Variants in SELP observed in about 807,000 individuals in gnomAD.
The protein encoded by SELP is P-selectin.
In SELP, 92 loss-of-function variants were observed where a neutral mutation model predicts 104.1. The ratio of observed to expected loss-of-function variants is 0.88; its 90% confidence interval spans 0.75 to 1.05. SELP has a LOEUF of 1.05. Among genes scored for constraint, SELP ranks in the 50% least tolerant of loss-of-function variants. The probability of loss-of-function intolerance (pLI) is 0.00; values close to 1 mark genes in which losing one functional copy is unlikely to be tolerated. For synonymous variants in SELP, 397 were observed against 364.5 expected (o/e 1.09, Z -1.01); for missense variants, 1,022 against 1,017.3 (o/e 1.00, Z -0.06).
chr1:169,610,683 G>A (rs1008680416), intron 7 of SELP, among the ~76,000 whole-genome samples: 8 of 152,086 alleles, frequency 5.3e-5, no homozygotes, highest in Non-Finnish European at 1.0e-4. Context: ...GGAGGCTGAG[G>A]CAGGAGAATC....
chr1:169,602,951 A>G, intron 10 of SELP, 75 bp downstream of exon 10: 3 of 1,323,458 alleles, frequency 2.3e-6, no homozygotes, highest in Non-Finnish European at 3.1e-6. Flanking sequence ...GAACACTTTT[A>G]TATAAATCCC....
At chr1:169,590,637 G>A (rs1263827712) in intron 15 of SELP, among the ~76,000 whole-genome samples, 3 of 152,062 alleles carry the variant, frequency 2.0e-5, no homozygotes, top group Non-Finnish European at 2.9e-5. Flanking sequence ...GGATGTCTAC[G>A]ACAATAGAGT....
In SELP at chr1:169,616,960, T is replaced by TA; in HGVS notation, c.481+67_481+68insT. On this transcript the variant is annotated intron_variant, in intron 3 of 16. Coordinates refer to ENST00000263686, the MANE Select transcript of SELP (RefSeq NM_003005.4). The stretch of plus-strand genomic sequence containing the variant: ...TCTTTGTGTTGACTCGGTGGTTATG[T>TA]TGGCCAACCAGAGAAGGCAGGGTTT... 1.2e-5 allele frequency: 17 copies of TA among 1,369,690 alleles called. No homozygotes were observed. The South Asian group carries it at 1.3e-4, about 10-fold the overall frequency. The allele number at this position is 1,369,690 out of a possible 1,614,324, so 84.8% of individuals were successfully genotyped here.
chr1:169,622,871 C>G (rs1044323097), intron 1 of SELP, among the ~76,000 whole-genome samples: 1 of 152,054 alleles, frequency 6.6e-6, no homozygotes, highest in African/African-American at 2.4e-5. Flanking sequence ...TTCTTAAGAG[C>G]CTGCTTGTGG....
intron 3 of SELP, among the ~76,000 whole-genome samples, chr1:169,614,773 T>C (rs914419014): frequency 3.3e-5 from 5 of 152,168 alleles, no homozygotes; most frequent in Non-Finnish European, 7.4e-5. Flanking sequence ...AGCCAGTGAA[T>C]TTGGTGAAGC....
intron 1 of SELP, among the ~76,000 whole-genome samples, chr1:169,619,590 C>T (rs1427992326): frequency 6.6e-6 from 1 of 152,074 alleles, no homozygotes; most frequent in African/African-American, 2.4e-5. Flanking sequence ...GTATGTCATA[C>T]CCAAGAATAA....
chr1:169,612,349 G>T lies in SELP; in HGVS notation c.829C>A (p.His277Asn), dbSNP rs892161383. 14 of 1,614,008 alleles carry T rather than the reference G, an allele frequency of 8.7e-6. No individual in the cohort carries two copies. The highest frequency in any genetic ancestry group is 1.1e-5 in the Non-Finnish European group (13 of 1,180,010). Residue 277 changes from histidine to asparagine, a missense_variant, in exon 6 of 17, where the codon CAT becomes AAT. Transcript: ENST00000263686. ...TGATGCTGGAATGCTTTTGCAGAAT[G>T]AAGGCAGGTCATGTTTCCTCGTTCA... is the stretch of plus-strand genomic sequence containing the variant. Reference protein sequence around the residue: ...IPERGNMTCLHSAKAFQHQSS... With the variant: ...IPERGNMTCLNSAKAFQHQSS...
intron 10 of SELP, among the ~76,000 whole-genome samples, chr1:169,601,058 A>C (rs1661885976): frequency 6.6e-6 from 1 of 152,252 alleles, no homozygotes; most frequent in African/African-American, 2.4e-5. Context: ...GGTTGCCTAC[A>C]TGATTTAAAA....
In SELP at chr1:169,591,375, A is replaced by T. The variant is rs75943068; in HGVS notation, c.2438+51T>A. The T allele has an allele frequency of 1.8e-3, 2,276 of 1,271,424 alleles. 35 individuals carry two copies. In the African/African-American group the frequency reaches 0.031, roughly 17 times the overall value. The allele number at this position is 1,271,424 out of a possible 1,614,324, so 78.8% of individuals were successfully genotyped here. A position where few individuals can be genotyped will look rare whatever the true frequency, so the allele number is the denominator to read the frequency against. ...TCATTCTGACATATTACAGTGAATTATAAAGTTAAGGTAGCAAAATTTACT... is the reference window on the plus strand; with the variant it reads ...TCATTCTGACATATTACAGTGAATTTTAAAGTTAAGGTAGCAAAATTTACT... On this transcript the variant is annotated intron_variant, in intron 15 of 16. Transcript: ENST00000263686.
At chr1:169,609,026 A>C (rs1662351451) in intron 8 of SELP, among the ~76,000 whole-genome samples, 1 of 152,086 alleles carries the variant, frequency 6.6e-6, no homozygotes, top group African/African-American at 2.4e-5. Context: ...TAAATCCTAT[A>C]AGAGTTTTAA....
rs778115745 is a variant in SELP at position 169,612,205 on chromosome 1, C to T, written c.961+12G>A. 2 of 1,612,828 alleles carry T rather than the reference C, an allele frequency of 1.2e-6. No homozygotes were observed. Among genetic ancestry groups the T allele is most frequent in the Admixed American group, 1.7e-5 (1 of 59,986 alleles). On this transcript the variant is annotated intron_variant, in intron 6 of 16. Coordinates refer to ENST00000263686, the MANE Select transcript of SELP (RefSeq NM_003005.4). ...CAATGGACATTATACATCCCAACTA[C>T]CTGAAACTCACCTTTACACACTGGG...
chr1:169,612,974 A>T lies in SELP; in HGVS notation c.730T>A (p.Cys244Ser), dbSNP rs746699652. The T allele has an allele frequency of 6.2e-7, 1 of 1,613,472 alleles. No individual in the cohort carries two copies. The highest frequency in any genetic ancestry group is 1.1e-5 in the South Asian group (1 of 91,040). Residue 244 changes from cysteine (C) to serine (S), a missense_variant, in exon 5 of 17, where the codon TGC (cysteine) becomes AGC (serine). Transcript: ENST00000263686. ...TTTGTCCAGATTCCAGAAGCCAAGC[A>T]TTCCAGCTTGCTGGGCCCATTTACT... ...YQVNGPSKLE[C>S]LASGIWTNKP...
chr1:169,603,137 A>G lies in SELP; in HGVS notation c.1594T>C (p.Tyr532His), dbSNP rs1661995547. The G allele has an allele frequency of 1.2e-6, 2 of 1,614,056 alleles. No homozygotes were observed. The highest frequency in any genetic ancestry group is 1.1e-5 in the South Asian group (1 of 91,084). ...CAGATGAATTGACATGTGGATTTAT[A>G]ACTGGAACTTCCAAGAGGTTGAACA... ...TCVQPLGSSSYKSTCQFICDE... is the reference protein window; with the variant it reads ...TCVQPLGSSSHKSTCQFICDE... Residue 532 changes from tyrosine to histidine, a missense_variant, in exon 10 of 17, where the codon TAT (tyrosine) becomes CAT (histidine). Physicochemically the swap from Tyr to His is moderately conservative, Grantham distance 83. Coordinates refer to ENST00000263686, the MANE Select transcript of SELP (RefSeq NM_003005.4).
At chr1:169,609,301 T>C (rs1341950447) in intron 8 of SELP, among the ~76,000 whole-genome samples, 1 of 152,180 alleles carries the variant, frequency 6.6e-6, no homozygotes, top group Admixed American at 6.5e-5. Context: ...AAACCTCACC[T>C]TGACTATACT....
chr1:169,607,263 G>T, intron 8 of SELP, 129 bp from the exon 9 acceptor site: 1 of 664,176 alleles, frequency 1.5e-6, no homozygotes, highest in Non-Finnish European at 2.3e-6. Context: ...TAGAAGATAA[G>T]AAAAAGTGTC....
intron 2 of SELP, 89 bp downstream of exon 2, chr1:169,619,040 A>G (rs1160090997): frequency 1.0e-5 from 11 of 1,077,320 alleles, no homozygotes; most frequent in Non-Finnish European, 1.5e-5. Context: ...CCTCAAACCA[A>G]CTGGCTACAA....
At chr1:169,615,391 C>T (rs1662754938) in intron 3 of SELP, among the ~76,000 whole-genome samples, 1 of 152,142 alleles carries the variant, frequency 6.6e-6, no homozygotes, top group African/African-American at 2.4e-5. Context: ...GATGTCTCTA[C>T]CACTGTTGTG....
chr1:169,621,093 T>TTGTG lies in SELP; in HGVS notation c.4-1878_4-1875dup, dbSNP rs113157169. On this transcript the variant is annotated intron_variant, in intron 1 of 16. Coordinates refer to ENST00000263686, the MANE Select transcript of SELP (RefSeq NM_003005.4). ...GTAGGGTGCATGGGATGGTGTGGAGTTGTGTGTGTGTGTGTGTGTGTGTGT... is the reference window on the plus strand; with the variant it reads ...GTAGGGTGCATGGGATGGTGTGGAGTTGTGTGTGTGTGTGTGTGTGTGTGTGTGT... Among the ~76,000 whole-genome samples the TTGTG allele has an allele frequency of 6.5e-3, 585 of 90,458 alleles. 21 individuals carry two copies. The highest frequency in any genetic ancestry group is 0.026 in the South Asian group (68 of 2,628). 59.3% of individuals were successfully genotyped at this position (90,458 alleles called of 152,430 possible). A position where few individuals can be genotyped will look rare whatever the true frequency, so the allele number is the denominator to read the frequency against.
chr1:169,616,955 T>TC, intron 3 of SELP, 73 bp downstream of exon 3: 23 of 1,349,702 alleles, frequency 1.7e-5, no homozygotes, highest in South Asian at 1.4e-4. Context: ...GACTCGGTGG[T>TC]TATGTTGGCC....
Sources: gnomAD v4.1 joint callset for allele counts (sites outside exome capture counted in the v4.1 genomes callset) on GRCh38, gnomAD v4.1.1 for gene constraint, MANE v1.5 for transcripts, NCBI Gene and HGNC (gene_info 2026-07-23, HGNC 2026-07-21) for gene names.